ARPP19: variants seen among roughly 807,000 people sequenced by gnomAD.
ARPP19 encodes the protein cAMP regulated phosphoprotein 19.
A neutral mutation model predicts 12.0 loss-of-function variants in ARPP19; 8 were observed. The ratio of observed to expected loss-of-function variants is 0.67; its 90% CI spans 0.39 to 1.21. The LOEUF is 1.21. Ranked by LOEUF, ARPP19 falls within the 50% of genes most tolerant of loss-of-function variation. The probability of loss-of-function intolerance (pLI) is 0.01; values close to 1 mark genes in which losing one functional copy is unlikely to be tolerated. For synonymous variants in ARPP19, 47 were observed against 50.4 expected, an observed-to-expected ratio of 0.93 and a Z score of 0.29; for missense variants, 102 against 136.3, an observed-to-expected ratio of 0.75 and a Z score of 1.25.
chr15:52,552,812 G>C (rs2077947536), intron 2 of ARPP19, among the ~76,000 whole-genome samples: 1 of 152,140 alleles, frequency 6.6e-6, no homozygotes, highest in Non-Finnish European at 1.5e-5. Flanking sequence ...GCTCATGCCT[G>C]TAATCCCAGC....
At chr15:52,556,272 C>G (rs940112578) in intron 2 of ARPP19, among the ~76,000 whole-genome samples, 10 of 152,106 alleles carry the variant, frequency 6.6e-5, no homozygotes, top group African/African-American at 1.9e-4. Flanking sequence ...TTCAACAATT[C>G]TCTTCCGTAA....
intron 2 of ARPP19, among the ~76,000 whole-genome samples, chr15:52,555,032 A>T (rs2077968810): frequency 6.6e-6 from 1 of 152,084 alleles, no homozygotes; most frequent in Non-Finnish European, 1.5e-5. Flanking sequence ...ATTAAAACCC[A>T]GAACCTGTGA....
At position 52,551,892 on chromosome 15, in the gene ARPP19, AAAT is replaced by A. The variant is rs1456009378; in HGVS notation, c.*39_*41del. On this transcript the variant is annotated 3_prime_UTR_variant, in exon 3 of 3. Coordinates refer to ENST00000249822, the MANE Select transcript of ARPP19 (RefSeq NM_006628.6). ...AGTAGATAAGTAACATATTAAGGAG[AAAT>A]AATGAGATTTAGCAGATTCATGCAG... is the stretch of plus-strand genomic sequence containing the variant. 1.4e-6 allele frequency: 2 copies of A among 1,471,010 alleles called. No individual in the cohort carries two copies. Among genetic ancestry groups the A allele is most frequent in the African/African-American group, 2.8e-5 (2 of 70,886 alleles). 91.1% of individuals were successfully genotyped at this position (1,471,010 alleles called of 1,614,324 possible). A position where few individuals can be genotyped will look rare whatever the true frequency, so the allele number is the denominator to read the frequency against.
chr15:52,552,165 G>A, intron 2 of ARPP19, 61 bp from the exon 3 acceptor site: 8 of 940,352 alleles, frequency 8.5e-6, no homozygotes, highest in Admixed American at 3.7e-5. Flanking sequence ...TTAAGATGTC[G>A]ATGCAACCCC....
rs374270035 is a variant in ARPP19 at position 52,557,085 on chromosome 15, C to A, written c.168+15G>T. 1.2e-6 allele frequency: 2 copies of A among 1,610,124 alleles called. No individual in the cohort carries two copies. Among genetic ancestry groups the A allele is most frequent in the Non-Finnish European group, 1.7e-6 (2 of 1,179,302 alleles). On this transcript the variant is annotated intron_variant, in intron 2 of 2. Transcript: ENST00000249822. The stretch of plus-strand genomic sequence containing the variant: ...GTAGGGCTTAAGTATTTGGAAATTA[C>A]CCATGAGAACTTACCCCTTTCTGCA...
intron 1 of ARPP19, among the ~76,000 whole-genome samples, chr15:52,560,331 T>C (rs1169381055): frequency 1.3e-5 from 2 of 152,184 alleles, no homozygotes; most frequent in Non-Finnish European, 2.9e-5. Context: ...AATACATTGA[T>C]ATATCATATT....
intron 2 of ARPP19, among the ~76,000 whole-genome samples, chr15:52,554,025 C>T (rs1168132799): frequency 2.6e-5 from 4 of 152,206 alleles, no homozygotes; most frequent in African/African-American, 9.6e-5. Flanking sequence ...GACAGAAAAA[C>T]CTCAGAATTG....
intron 1 of ARPP19, among the ~76,000 whole-genome samples, chr15:52,562,740 A>T (rs2078046129): frequency 6.6e-6 from 1 of 152,166 alleles, no homozygotes; most frequent in Non-Finnish European, 1.5e-5. Context: ...TGAGCGATGC[A>T]TCCAATTTAA....
chr15:52,566,029 A>G (rs886864048), intron 1 of ARPP19, among the ~76,000 whole-genome samples: 1 of 151,748 alleles, frequency 6.6e-6, no homozygotes, highest in African/African-American at 2.4e-5. Context: ...TAATTTTTGT[A>G]TTTTTTAGTA....
chr15:52,564,542 T>C (rs2078064312), intron 1 of ARPP19, among the ~76,000 whole-genome samples: 2 of 152,248 alleles, frequency 1.3e-5, no homozygotes. Context: ...TATCTCTTTA[T>C]GGTTGATATA....
rs576436292 is a variant in ARPP19, at chr15:52,549,286, G to C, written c.*2648C>G. Reference sequence around the variant, plus strand: ...AAGAAATGGACAATTAAGCTCACTAGTCAAAATCTTGATTCAAGTGATGAT... The same window carrying C: ...AAGAAATGGACAATTAAGCTCACTACTCAAAATCTTGATTCAAGTGATGAT... On this transcript the variant is annotated 3_prime_UTR_variant, in exon 3 of 3. Transcript: ENST00000249822. 1 of 152,242 alleles carries C rather than the reference G, an allele frequency of 6.6e-6. No individual in the cohort carries two copies. Among genetic ancestry groups the C allele is most frequent in the East Asian group, 1.9e-4 (1 of 5,176 alleles). The allele number at this position is 152,242 out of a possible 1,614,324, so 9.4% of individuals were successfully genotyped here.
intron 1 of ARPP19, among the ~76,000 whole-genome samples, chr15:52,559,328 C>T (rs2078011470): frequency 2.0e-5 from 3 of 152,274 alleles, no homozygotes; most frequent in East Asian, 1.9e-4. Flanking sequence ...GCCATTCCCA[C>T]GTTAGTCTCT....
intron 1 of ARPP19, 35 bp downstream of exon 1, chr15:52,568,813 G>A (rs746396557): frequency 6.5e-7 from 1 of 1,526,998 alleles, no homozygotes; most frequent in Non-Finnish European, 8.8e-7. Context: ...ACCCGGCCTT[G>A]GGCAGGGCCC....
chr15:52,553,007 G>A (rs965403264), intron 2 of ARPP19, among the ~76,000 whole-genome samples: 6 of 152,160 alleles, frequency 3.9e-5, no homozygotes, highest in African/African-American at 1.4e-4. Context: ...AACCCGGGGT[G>A]TGGAGGTTGC....
chr15:52,560,792 C>T (rs1461944620), intron 1 of ARPP19, among the ~76,000 whole-genome samples: 1 of 152,232 alleles, frequency 6.6e-6, no homozygotes, highest in Non-Finnish European at 1.5e-5. Context: ...CCATTCTGCT[C>T]CTGGTGATGC....
chr15:52,558,255 C>G (rs561722364), intron 1 of ARPP19, among the ~76,000 whole-genome samples: 88 of 152,108 alleles, frequency 5.8e-4, no homozygotes, highest in African/African-American at 2.0e-3. Context: ...CGAGACCAGC[C>G]TGGGCAATAT....
intron 2 of ARPP19, 25 bp downstream of exon 2, chr15:52,557,075 T>C (rs2077988166): frequency 1.2e-6 from 2 of 1,609,400 alleles, no homozygotes; most frequent in East Asian, 4.5e-5. Context: ...GCTTAAGTAT[T>C]TGGAAATTAC....
rs547669140 is a variant in ARPP19 at position 52,556,989 on chromosome 15, G to T, written c.168+111C>A. ...CCATTACAGATACATATACACATAT[G>T]TACATACCTGATAAAGTACAATGCT... On this transcript the variant is annotated intron_variant, in intron 2 of 2. Coordinates refer to ENST00000249822, the MANE Select transcript of ARPP19 (RefSeq NM_006628.6). 61 of 1,202,218 alleles carry T rather than the reference G, an allele frequency of 5.1e-5. 1 individual carries two copies. The South Asian group carries it at 7.9e-4, about 16-fold the overall frequency. 74.5% of individuals were successfully genotyped at this position (1,202,218 alleles called of 1,614,324 possible). A position where few individuals can be genotyped will look rare whatever the true frequency, so the allele number is the denominator to read the frequency against.
At position 52,550,864 on chromosome 15, in the gene ARPP19, A is replaced by G. The variant is rs1055747; in HGVS notation, c.*1070T>C. On this transcript the variant is annotated 3_prime_UTR_variant, in exon 3 of 3. Coordinates refer to ENST00000249822, the MANE Select transcript of ARPP19 (RefSeq NM_006628.6). The stretch of plus-strand genomic sequence containing the variant: ...GGAAGTAAAAAGTTTCTACATTTAA[A>G]AAGTTTATATAAATTACATGAATTG... The G allele has an allele frequency of 0.1, 15,485 of 152,730 alleles. 876 individuals carry two copies. The highest frequency in any genetic ancestry group is 0.17 in the Middle Eastern group (50 of 294). 9.5% of individuals were successfully genotyped at this position (152,730 alleles called of 1,614,324 possible).
Sources: gnomAD v4.1 joint callset for allele counts (sites outside exome capture counted in the v4.1 genomes callset) on GRCh38, gnomAD v4.1.1 for gene constraint, MANE v1.5 for transcripts, NCBI Gene and HGNC (gene_info 2026-07-23, HGNC 2026-07-21) for gene names.